RBFOX1: variants seen among roughly 807,000 people sequenced by gnomAD.
The protein encoded by RBFOX1 is RNA binding fox-1 homolog 1.
Under a neutral mutation model 57.7 loss-of-function variants are expected in RBFOX1, and 8 were observed. The ratio of observed to expected loss-of-function variants is 0.14; its 90% CI spans 0.08 to 0.25. The LOEUF is 0.25. RBFOX1 is among the 10% of genes least tolerant of loss of function. The pLI is 1.00. For missense variants in RBFOX1, 611 were observed against 548.5 expected (o/e 1.11, Z -1.14); for synonymous variants, 326 against 222.4 (o/e 1.47, Z -4.15).
intron 3 of RBFOX1, among the ~76,000 whole-genome samples, chr16:6,836,111 G>T (rs537036955): frequency 1.3e-5 from 2 of 152,196 alleles, no homozygotes; most frequent in Non-Finnish European, 2.9e-5. Flanking sequence ...AGACAATCAT[G>T]CATTCCTTTT....
At chr16:6,640,761 C>A (rs9930558) in intron 2 of RBFOX1, among the ~76,000 whole-genome samples, 10,828 of 152,156 alleles carry the variant, frequency 0.071, 545 homozygotes, top group African/African-American at 0.13. Context: ...GATACAAGTT[C>A]CAGTTCTGGT....
chr16:7,606,180 G>C (rs2095279001), intron 9 of RBFOX1, among the ~76,000 whole-genome samples: 1 of 143,172 alleles, frequency 7.0e-6, no homozygotes, highest in Non-Finnish European at 1.5e-5. Flanking sequence ...GGAGTGCAAT[G>C]GCGTGATCTC....
intron 4 of RBFOX1, among the ~76,000 whole-genome samples, chr16:7,496,649 T>C (rs1192727963): frequency 6.6e-6 from 1 of 151,780 alleles, no homozygotes; most frequent in African/African-American, 2.4e-5. Context: ...CTCAGTTTAC[T>C]TGAATGTATT....
At chr16:6,280,443 T>C (rs190677912) in intron 1 of RBFOX1, among the ~76,000 whole-genome samples, 1 of 152,146 alleles carries the variant, frequency 6.6e-6, no homozygotes, top group East Asian at 1.9e-4. Flanking sequence ...TGGAGACAGA[T>C]TGGAGACAAG....
At chr16:6,823,512 C>G (rs1440853868) in intron 3 of RBFOX1, among the ~76,000 whole-genome samples, 3 of 151,666 alleles carry the variant, frequency 2.0e-5, no homozygotes, top group Non-Finnish European at 4.4e-5. Flanking sequence ...ATGCCTCAGT[C>G]TCCCAAAGTG....
chr16:7,243,182 G>A (rs180801118), intron 4 of RBFOX1, among the ~76,000 whole-genome samples: 2 of 152,222 alleles, frequency 1.3e-5, no homozygotes, highest in Admixed American at 1.3e-4. Context: ...TGAATGTTCA[G>A]CAAACACATA....
At chr16:7,393,685 T>C (rs1008533725) in intron 4 of RBFOX1, among the ~76,000 whole-genome samples, 4 of 152,116 alleles carry the variant, frequency 2.6e-5, no homozygotes, top group Non-Finnish European at 5.9e-5. Flanking sequence ...TGCCAAGGAT[T>C]ATTTCACTGA....
chr16:7,499,729 AG>A (rs1038817501), intron 4 of RBFOX1, among the ~76,000 whole-genome samples: 1 of 152,232 alleles, frequency 6.6e-6, no homozygotes, highest in Admixed American at 6.5e-5. Flanking sequence ...ACATATATTA[AG>A]GCTTTCATTT....
At chr16:5,454,069 C>T (rs2068507962) in intron 1 of RBFOX1, among the ~76,000 whole-genome samples, 1 of 152,202 alleles carries the variant, frequency 6.6e-6, no homozygotes, top group Non-Finnish European at 1.5e-5. Context: ...AGAGAGGTGG[C>T]TGAGGCCAAA....
rs759103545 is a variant in RBFOX1, at chr16:7,000,596, C to CTTTTTT, written c.-15-51445_-15-51440dup. On this transcript the variant is annotated intron_variant, in intron 3 of 15. Coordinates refer to ENST00000550418, the MANE Select transcript of RBFOX1 (RefSeq NM_018723.4). ...TTTCTTTTTTTCTTTCTTTTTCTTTCTTTTTTTTTTTTTTTTTTTTTGAGA... is the reference window on the plus strand; with the variant it reads ...TTTCTTTTTTTCTTTCTTTTTCTTTCTTTTTTTTTTTTTTTTTTTTTTTTTTTGAGA... Among the ~76,000 whole-genome samples the CTTTTTT allele has an allele frequency of 1.7e-3, 159 of 92,564 alleles. 7 individuals carry two copies. The highest frequency in any genetic ancestry group is 4.8e-3 in the East Asian group (12 of 2,520). The allele number at this position is 92,564 out of a possible 152,430, so 60.7% of individuals were successfully genotyped here.
intron 4 of RBFOX1, among the ~76,000 whole-genome samples, chr16:7,349,979 T>G (rs1211329852): frequency 6.6e-6 from 1 of 152,128 alleles, no homozygotes; most frequent in Non-Finnish European, 1.5e-5. Flanking sequence ...AAACCTCATT[T>G]CTACTGAAAC....
chr16:7,524,252 T>G (rs1216745418), intron 5 of RBFOX1, among the ~76,000 whole-genome samples: 1 of 152,168 alleles, frequency 6.6e-6, no homozygotes, highest in East Asian at 1.9e-4. Context: ...GTGCAGAATC[T>G]GTAAAAGGGA....
At chr16:5,560,308 C>G (rs140637709) in intron 2 of RBFOX1, among the ~76,000 whole-genome samples, 2 of 152,162 alleles carry the variant, frequency 1.3e-5, no homozygotes, top group Non-Finnish European at 2.9e-5. Context: ...AGCACTTAGT[C>G]ACTTCCTCCA....
intron 2 of RBFOX1, among the ~76,000 whole-genome samples, chr16:6,473,274 G>C (rs1238984052): frequency 6.6e-6 from 1 of 152,120 alleles, no homozygotes; most frequent in Non-Finnish European, 1.5e-5. Flanking sequence ...CAGGGTACAT[G>C]TCTGTCTCAT....
chr16:6,933,728 C>G (rs1341285004), intron 3 of RBFOX1, among the ~76,000 whole-genome samples: 2 of 152,156 alleles, frequency 1.3e-5, no homozygotes, highest in Non-Finnish European at 1.5e-5. Flanking sequence ...AAAACAAAAA[C>G]AAATTGGAAG....
chr16:5,620,316 T>C (rs1378657473), intron 3 of RBFOX1, among the ~76,000 whole-genome samples: 1 of 151,942 alleles, frequency 6.6e-6, no homozygotes, highest in East Asian at 1.9e-4. Context: ...CATTGCCGCA[T>C]CTCTACACAT....
At chr16:6,866,408 A>G (rs886757827) in intron 3 of RBFOX1, among the ~76,000 whole-genome samples, 1 of 151,910 alleles carries the variant, frequency 6.6e-6, no homozygotes, top group Non-Finnish European at 1.5e-5. Flanking sequence ...AACCTTATCC[A>G]TCATCTCCAT....
chr16:7,075,682 A>C (rs1482792127), intron 4 of RBFOX1, among the ~76,000 whole-genome samples: 1 of 151,872 alleles, frequency 6.6e-6, no homozygotes, highest in Non-Finnish European at 1.5e-5. Flanking sequence ...TCAGGTTCAC[A>C]CCATTCTCCT....
chr16:5,693,814 C>A (rs73516383), intron 3 of RBFOX1, among the ~76,000 whole-genome samples: 2 of 152,158 alleles, frequency 1.3e-5, no homozygotes, highest in African/African-American at 4.8e-5. Flanking sequence ...CTTCTCACTC[C>A]TCAAACTCAG....
Sources: gnomAD v4.1 joint callset for allele counts (sites outside exome capture counted in the v4.1 genomes callset) on GRCh38, gnomAD v4.1.1 for gene constraint, MANE v1.5 for transcripts, NCBI Gene and HGNC (gene_info 2026-07-23, HGNC 2026-07-21) for gene names.